The following LRP3 variants were observed in gnomAD, a reference collection of about 807,000 sequenced individuals.
LRP3 encodes the protein LDL receptor related protein 3, also known as low-density lipoprotein receptor-related protein 3.
A neutral mutation model predicts 58.5 loss-of-function variants in LRP3; 49 were observed. The ratio of observed to expected loss-of-function variants is 0.84; its 90% confidence interval spans 0.67 to 1.06. The LOEUF is 1.06. Among genes scored for constraint, LRP3 ranks in the 50% least tolerant of loss-of-function variants. LRP3 has a pLI of 0.00. For synonymous variants in LRP3, 485 were observed against 492.2 expected, an observed-to-expected ratio of 0.99 and a Z score of 0.20; for missense variants, 1,019 against 1,134.2, an observed-to-expected ratio of 0.90 and a Z score of 1.46.
At position 33,207,201 on chromosome 19, in the gene LRP3, G is replaced by GC; in HGVS notation, c.1944dup (p.Asp649ArgfsTer116). On this transcript the variant is annotated frameshift_variant, in exon 7 of 7. Transcript: ENST00000253193. LOFTEE classifies it low-confidence loss of function (END_TRUNC). ...CTTCCTCCAGCCTGCTCCAGGGGCT[G>GC]CCCCCGACCCCCCAGCACCGCTCAT... The GC allele has an allele frequency of 6.4e-7, 1 of 1,553,898 alleles. No individual in the cohort carries two copies. The highest frequency in any genetic ancestry group is 8.7e-7 in the Non-Finnish European group (1 of 1,155,122).
In LRP3 at chr19:33,206,630, A is replaced by T; in HGVS notation, c.1622A>T (p.Glu541Val). ...TTCGAGACCCAGATGACGCGCCTGGAGGCTGAGTTCGTGCGGCGGGAGGCA... is the reference window on the plus strand; with the variant it reads ...TTCGAGACCCAGATGACGCGCCTGGTGGCTGAGTTCGTGCGGCGGGAGGCA... The part of the protein sequence containing the change: ...RAFETQMTRL[E>V]AEFVRREAPP... Residue 541 changes from glutamate to valine, a missense_variant, in exon 6 of 7, where the codon GAG (glutamate) becomes GTG (valine). Around this residue, in one of 2 missense-constraint regions of LRP3, gnomAD observed 427 missense variants for 408.6 expected, o/e 1.04. Coordinates refer to ENST00000253193, the MANE Select transcript of LRP3 (RefSeq NM_002333.4). 6.2e-7 allele frequency: 1 copy of T among 1,606,562 alleles called. No individual in the cohort carries two copies. Among genetic ancestry groups the T allele is most frequent in the South Asian group, 1.1e-5 (1 of 90,350 alleles).
intron 2 of LRP3, among the ~76,000 whole-genome samples, chr19:33,199,762 G>T (rs564246380): frequency 6.6e-6 from 1 of 152,346 alleles, no homozygotes; most frequent in South Asian, 2.1e-4. Flanking sequence ...TCCTGATGTG[G>T]CTGGTGGCCT....
intron 2 of LRP3, among the ~76,000 whole-genome samples, chr19:33,202,279 G>A (rs1974348993): frequency 6.6e-6 from 1 of 152,236 alleles, no homozygotes; most frequent in African/African-American, 2.4e-5. Flanking sequence ...TTCCACTGAG[G>A]GGTTCTGCGT....
rs373709124 is a variant in LRP3, at chr19:33,206,611, A to T, written c.1603A>T (p.Thr535Ser). The change falls in exon 6 of 7, where the codon ACC becomes TCC. Residue 535 changes from threonine to serine, a missense_variant. Transcript: ENST00000253193. ...GCCCACTGCTTCTAGGGCCTTCGAG[A>T]CCCAGATGACGCGCCTGGAGGCTGA... ...LRTQEYRAFE[T>S]QMTRLEAEFV... The T allele has an allele frequency of 6.2e-7, 1 of 1,607,332 alleles. No homozygotes were observed. Among genetic ancestry groups the T allele is most frequent in the Non-Finnish European group, 8.5e-7 (1 of 1,176,484 alleles).
Position 33,194,432 on chromosome 19 carries a change from G to A in LRP3, c.-354G>A, listed in dbSNP as rs1260014448. ...GGGCCGGGCGGGCTGCGCGCCGCGG[G>A]GCATGGGCGCGCCGGGGGTCCCCGG... On this transcript the variant is annotated 5_prime_UTR_variant, in exon 1 of 7. Coordinates refer to ENST00000253193, the MANE Select transcript of LRP3 (RefSeq NM_002333.4). 6.9e-6 allele frequency among the ~76,000 whole-genome samples: 1 copy of A among 144,740 alleles called. No individual in the cohort carries two copies. The highest frequency in any genetic ancestry group is 1.5e-5 in the Non-Finnish European group (1 of 65,302). The allele number at this position is 144,740 out of a possible 152,430, so 95.0% of individuals were successfully genotyped here.
chr19:33,196,618 G>A, intron 1 of LRP3, 112 bp from the exon 2 acceptor site: 2 of 968,168 alleles, frequency 2.1e-6, no homozygotes, highest in African/African-American at 1.6e-5. Context: ...CCCTGTAAGA[G>A]GAAGGGGACC....
chr19:33,204,869 G>A lies in LRP3; in HGVS notation c.475+17G>A. On this transcript the variant is annotated intron_variant, in intron 4 of 6. Transcript: ENST00000253193. ...ACATCCGAGGTGATGGAGGCTGCAG[G>A]GCAGGCAGGACACCACGGAGCACAC... 2 of 1,610,048 alleles carry A rather than the reference G, an allele frequency of 1.2e-6. No homozygotes were observed. The highest frequency in any genetic ancestry group is 1.7e-6 in the Non-Finnish European group (2 of 1,178,468).
In LRP3 at chr19:33,207,475, G is replaced by T; in HGVS notation, c.2213G>T (p.Gly738Val). ...PQVSTASSTL[G>V]PHSPEPLGVC... ...GTCTCCACTGCCAGCAGCACCCTGG[G>T]CCCCCACTCGCCAGAGCCACTGGGG... Residue 738 changes from glycine (G) to valine (V), a missense_variant, in exon 7 of 7, where the codon GGC becomes GTC. Physicochemically the swap from Gly to Val is moderately radical, Grantham distance 109. Around this residue, in one of 2 missense-constraint regions of LRP3, gnomAD observed 427 missense variants for 408.6 expected, o/e 1.04. Coordinates refer to ENST00000253193, the MANE Select transcript of LRP3 (RefSeq NM_002333.4). 1.9e-6 allele frequency: 3 copies of T among 1,599,858 alleles called. No homozygotes were observed. The highest frequency in any genetic ancestry group is 1.1e-5 in the South Asian group (1 of 90,102).
Position 33,207,259 on chromosome 19 carries a change from G to C in LRP3, c.1997G>C (p.Arg666Thr). 1 of 1,553,618 alleles carries C rather than the reference G, an allele frequency of 6.4e-7. No individual in the cohort carries two copies. The highest frequency in any genetic ancestry group is 8.6e-7 in the Non-Finnish European group (1 of 1,157,668). ...GGCAGCACCAGGGCGGCCGGAGACA[G>C]GCCCCCCAGTGCCCCCGGCCGTGCA... ...DTGSTRAAGD[R>T]PPSAPGRAPE... Residue 666 changes from arginine to threonine, a missense_variant, in exon 7 of 7, where the codon AGG (arginine) becomes ACG (threonine). Transcript: ENST00000253193.
intron 2 of LRP3, among the ~76,000 whole-genome samples, chr19:33,202,208 T>A (rs1974348194): frequency 6.6e-6 from 1 of 152,230 alleles, no homozygotes; most frequent in Non-Finnish European, 1.5e-5. Flanking sequence ...CAGATCCAGG[T>A]GGCGTTTCCA....
intron 1 of LRP3, among the ~76,000 whole-genome samples, chr19:33,195,386 A>G (rs1428536874): frequency 1.3e-5 from 2 of 151,950 alleles, no homozygotes; most frequent in African/African-American, 4.8e-5. Flanking sequence ...TGTTCAGTTT[A>G]GGAGGGTGCT....
At chr19:33,197,916 C>T (rs965814704) in intron 2 of LRP3, among the ~76,000 whole-genome samples, 4 of 152,184 alleles carry the variant, frequency 2.6e-5, no homozygotes, top group Non-Finnish European at 5.9e-5. Flanking sequence ...CTCAGGAGCC[C>T]GGCCTCCTCT....
chr19:33,206,570 A>G (rs1005307061), intron 5 of LRP3, 31 bp from the exon 6 acceptor site: 27 of 1,600,380 alleles, frequency 1.7e-5, no homozygotes, highest in Non-Finnish European at 2.2e-5. Context: ...CGGGCAGCCC[A>G]GTCATGTCGC....
Position 33,205,530 on chromosome 19 carries a change from T to C in LRP3, c.760T>C (p.Cys254Arg). The change falls in exon 5 of 7, where the codon TGC (cysteine) becomes CGC (arginine). Residue 254 changes from cysteine (C) to arginine (R), a missense_variant. Coordinates refer to ENST00000253193, the MANE Select transcript of LRP3 (RefSeq NM_002333.4). ...SDEAGCPDLACGRRLGSFYGS... is the reference protein window; with the variant it reads ...SDEAGCPDLARGRRLGSFYGS... ...TGAGGCGGGCTGCCCCGACCTGGCG[T>C]GCGGCCGGCGGCTGGGCAGCTTCTA... 1 of 1,571,154 alleles carries C rather than the reference T, an allele frequency of 6.4e-7. No individual in the cohort carries two copies. The highest frequency in any genetic ancestry group is 8.6e-7 in the Non-Finnish European group (1 of 1,162,038).
intron 2 of LRP3, among the ~76,000 whole-genome samples, chr19:33,201,570 A>G (rs970616315): frequency 6.6e-6 from 1 of 152,184 alleles, no homozygotes; most frequent in Non-Finnish European, 1.5e-5. Context: ...GCTGAGAACC[A>G]GAGAGAACTT....
intron 2 of LRP3, among the ~76,000 whole-genome samples, chr19:33,197,935 G>C (rs1974302524): frequency 6.6e-6 from 1 of 152,122 alleles, no homozygotes; most frequent in Non-Finnish European, 1.5e-5. Context: ...CTGATGCTTC[G>C]GGCTGGCTCA....
At chr19:33,206,966 C>G (rs1309129858) in intron 6 of LRP3, 22 bp from the exon 7 acceptor site, 1 of 1,452,184 alleles carries the variant, frequency 6.9e-7, no homozygotes, top group African/African-American at 1.5e-5. Flanking sequence ...TCCCCCCGCC[C>G]CTACCCTGCT....
At chr19:33,206,455 C>G (rs777498407) in intron 5 of LRP3, 93 bp downstream of exon 5, 10 of 1,594,428 alleles carry the variant, frequency 6.3e-6, no homozygotes, top group Non-Finnish European at 8.5e-6. Flanking sequence ...GGGGCCTGGA[C>G]TAGCTACATG....
intron 2 of LRP3, among the ~76,000 whole-genome samples, chr19:33,199,619 G>T (rs576914538): frequency 6.6e-6 from 1 of 152,340 alleles, no homozygotes; most frequent in East Asian, 1.9e-4. Context: ...CTTTGGAGAA[G>T]AGCAAACAGT....
Sources: gnomAD v4.1 joint callset for allele counts (sites outside exome capture counted in the v4.1 genomes callset) on GRCh38, gnomAD v4.1.1 for gene constraint, gnomAD v4.1.1 regional missense constraint, MANE v1.5 for transcripts, NCBI Gene and HGNC (gene_info 2026-07-23, HGNC 2026-07-21) for gene names.